The following LRP1B variants were observed in gnomAD, a reference collection of about 807,000 sequenced individuals.
LRP1B encodes low-density lipoprotein receptor-related protein 1B.
In LRP1B, 217 loss-of-function variants were observed where a neutral mutation model predicts 556.6. That is an observed-to-expected ratio of 0.39 (90% confidence interval 0.35 to 0.44). The LOEUF (loss-of-function observed/expected upper bound fraction) is 0.44. Among genes scored for constraint, LRP1B ranks in the 20% least tolerant of loss-of-function variants. The pLI is 1.00. For synonymous variants in LRP1B, 2,047 were observed against 1,865.8 expected (o/e 1.10, Z -2.50); for missense variants, 5,053 against 5,620.8 (o/e 0.90, Z 3.23).
rs2104932337 is a variant in LRP1B at position 140,514,752 on chromosome 2, G to T, written c.8170C>A (p.Gln2724Lys). ...CATTTTTGTGCGGAACAAGCAAATT[G>T]GTTCCAAGAGCAAGAAGAATCTAGG... ...FHCDSSCSWN[Q>K]FACSAQKCIS... The change falls in exon 51 of 91, where the codon CAA (glutamine) becomes AAA (lysine). Residue 2724 changes from glutamine to lysine, a missense_variant. Transcript: ENST00000389484. 1 of 1,610,516 alleles carries T rather than the reference G, an allele frequency of 6.2e-7. No individual in the cohort carries two copies. Among genetic ancestry groups the T allele is most frequent in the South Asian group, 1.1e-5 (1 of 90,750 alleles).
chr2:141,807,980 G>A (rs1259634399), intron 2 of LRP1B, among the ~76,000 whole-genome samples: 15 of 152,032 alleles, frequency 9.9e-5, no homozygotes, highest in Admixed American at 8.5e-4. Flanking sequence ...GCATTGAGAG[G>A]TCTCTTTTCT....
At chr2:141,272,673 A>G (rs1203725076) in intron 3 of LRP1B, among the ~76,000 whole-genome samples, 1 of 152,186 alleles carries the variant, frequency 6.6e-6, no homozygotes, top group Non-Finnish European at 1.5e-5. Context: ...GTGGCTATAT[A>G]ATTATTTGAC....
chr2:141,310,212 TC>T (rs1409274982), intron 3 of LRP1B, among the ~76,000 whole-genome samples: 2 of 152,204 alleles, frequency 1.3e-5, no homozygotes, highest in Non-Finnish European at 2.9e-5. Context: ...AGCATTTCAC[TC>T]TATTTTCATG....
intron 35 of LRP1B, among the ~76,000 whole-genome samples, chr2:140,719,424 G>T (rs543794004): frequency 2.0e-5 from 3 of 149,748 alleles, no homozygotes; most frequent in Admixed American, 6.7e-5. Context: ...AAAAAAAAAA[G>T]GTACCCCTTC....
At chr2:141,617,683 A>G (rs532750794) in intron 2 of LRP1B, among the ~76,000 whole-genome samples, 21 of 152,318 alleles carry the variant, frequency 1.4e-4, no homozygotes, top group Admixed American at 7.8e-4. Context: ...TACAATACTG[A>G]CAGATTCACA....
At chr2:141,528,092 A>G (rs1039569428) in intron 2 of LRP1B, among the ~76,000 whole-genome samples, 2 of 150,938 alleles carry the variant, frequency 1.3e-5, no homozygotes, top group Non-Finnish European at 2.9e-5. Context: ...ACCTCTCACT[A>G]TTTACTCCCC....
chr2:141,130,560 C>T (rs949670633), intron 7 of LRP1B, among the ~76,000 whole-genome samples: 2 of 151,806 alleles, frequency 1.3e-5, no homozygotes, highest in Admixed American at 1.3e-4. Context: ...TAAATTTTAC[C>T]CCATTATTTC....
chr2:140,487,723 A>T lies in LRP1B; in HGVS notation c.9137T>A (p.Ile3046Asn). ...TLLKQGLNNV[I>N]AIDFDYREEF... ...TTCTCTGTAATCAAAGTCTATAGCA[A>T]TAACATTGTTTAATCCCTGAAAATA... is the stretch of plus-strand genomic sequence containing the variant. The change falls in exon 58 of 91, where the codon ATT (isoleucine) becomes AAT (asparagine). Residue 3046 changes from isoleucine (I) to asparagine (N), a missense_variant. This residue lies in a region of LRP1B where 3,619 missense variants were observed against 3,931.9 expected (regional missense o/e 0.92). Coordinates refer to ENST00000389484, the MANE Select transcript of LRP1B (RefSeq NM_018557.3). 1 of 1,550,746 alleles carries T rather than the reference A, an allele frequency of 6.4e-7. No individual in the cohort carries two copies. Among genetic ancestry groups the T allele is most frequent in the Non-Finnish European group, 8.8e-7 (1 of 1,132,540 alleles).
At chr2:140,940,367 C>A (rs1288691592) in intron 20 of LRP1B, among the ~76,000 whole-genome samples, 1 of 152,068 alleles carries the variant, frequency 6.6e-6, no homozygotes, top group African/African-American at 2.4e-5. Context: ...ATGAATTAAA[C>A]TGTCAACAAT....
At chr2:141,273,313 A>T (rs946429374) in intron 3 of LRP1B, among the ~76,000 whole-genome samples, 3 of 152,128 alleles carry the variant, frequency 2.0e-5, no homozygotes, top group African/African-American at 7.2e-5. Flanking sequence ...CATCTCAAAA[A>T]AAAAAAGGAA....
chr2:140,466,944 T>C (rs572950975), intron 60 of LRP1B, among the ~76,000 whole-genome samples: 19 of 152,354 alleles, frequency 1.2e-4, no homozygotes, highest in African/African-American at 4.6e-4. Flanking sequence ...CTGAATTTAT[T>C]TACTTTGATA....
chr2:141,002,278 T>A (rs898763420), intron 15 of LRP1B, among the ~76,000 whole-genome samples: 1 of 152,084 alleles, frequency 6.6e-6, no homozygotes, highest in African/African-American at 2.4e-5. Context: ...TTCTGAAGTA[T>A]GTAATTACAG....
At chr2:140,873,445 T>G (rs879310477) in intron 25 of LRP1B, among the ~76,000 whole-genome samples, 1 of 152,112 alleles carries the variant, frequency 6.6e-6, no homozygotes, top group Non-Finnish European at 1.5e-5. Context: ...CAAAGCTAAA[T>G]TATAAACTAT....
At chr2:140,883,708 C>T (rs1693547456) in intron 25 of LRP1B, 109 bp downstream of exon 25, 4 of 784,274 alleles carry the variant, frequency 5.1e-6, no homozygotes, top group Non-Finnish European at 3.8e-6. Context: ...CATACATGGG[C>T]ACAAAATAAC....
chr2:140,457,705 A>G (rs898901486), intron 60 of LRP1B, 54 bp from the exon 61 acceptor site: 1 of 1,378,020 alleles, frequency 7.3e-7, no homozygotes, highest in Admixed American at 1.7e-5. Flanking sequence ...TGCCAGTTAA[A>G]ATATTCAATA....
intron 1 of LRP1B, among the ~76,000 whole-genome samples, chr2:141,960,113 G>A (rs1305129148): frequency 3.9e-5 from 6 of 151,930 alleles, no homozygotes; most frequent in Admixed American, 3.9e-4. Flanking sequence ...CTTCATAAGA[G>A]AGAGAAAGTT....
At chr2:140,879,193 T>C (rs184240192) in intron 25 of LRP1B, among the ~76,000 whole-genome samples, 219 of 152,296 alleles carry the variant, frequency 1.4e-3, no homozygotes, top group Non-Finnish European at 2.7e-3. Flanking sequence ...AATTGGTGTC[T>C]ACCTTGTAAC....
chr2:141,203,086 T>C (rs933512387), intron 6 of LRP1B, among the ~76,000 whole-genome samples: 1 of 152,064 alleles, frequency 6.6e-6, no homozygotes, highest in South Asian at 2.1e-4. Flanking sequence ...TGCAAAAACA[T>C]AGCAAATTGT....
At chr2:141,288,359 C>T (rs1219301634) in intron 3 of LRP1B, among the ~76,000 whole-genome samples, 3 of 151,764 alleles carry the variant, frequency 2.0e-5, no homozygotes, top group African/African-American at 7.3e-5. Context: ...TCATAATTAA[C>T]AGCCTTAAAT....
Sources: allele counts gnomAD v4.1 joint callset (sites outside exome capture counted in the v4.1 genomes callset), GRCh38; gene constraint gnomAD v4.1.1; regional missense constraint gnomAD v4.1.1; transcripts MANE v1.5; gene names NCBI Gene and HGNC (gene_info 2026-07-23, HGNC 2026-07-21).